Variants in AGBL1 observed in about 807,000 individuals in gnomAD.
The protein encoded by AGBL1 is AGBL carboxypeptidase 1, also known as cytosolic carboxypeptidase 4.
AGBL1 carries 130 observed loss-of-function variants against 118.9 expected under a neutral mutation model. That is an observed-to-expected ratio of 1.09 (90% CI 0.95 to 1.26). The LOEUF is 1.26. AGBL1 is among the 50% of genes most tolerant of loss of function. The pLI, the probability that AGBL1 is intolerant of heterozygous loss-of-function variation, is 0.00. For synonymous variants in AGBL1, 555 were observed against 478.9 expected, an observed-to-expected ratio of 1.16 and a Z score of -2.08; for missense variants, 1,584 against 1,298.1, an observed-to-expected ratio of 1.22 and a Z score of -3.38.
chr15:86,823,630 A>T (rs1438911373), intron 22 of AGBL1, among the ~76,000 whole-genome samples: 1 of 152,210 alleles, frequency 6.6e-6, no homozygotes, highest in Non-Finnish European at 1.5e-5. Context: ...TGAGTGAGAA[A>T]CAGGAGAAAT....
At chr15:86,897,646 T>A (rs890287654) in intron 22 of AGBL1, among the ~76,000 whole-genome samples, 2 of 151,926 alleles carry the variant, frequency 1.3e-5, no homozygotes. Context: ...GTCACTGATT[T>A]TCCCCCCAGT....
At chr15:86,210,392 T>A (rs895672711) in intron 5 of AGBL1, among the ~76,000 whole-genome samples, 4 of 152,226 alleles carry the variant, frequency 2.6e-5, no homozygotes, top group African/African-American at 4.8e-5. Flanking sequence ...TTCTCCTGGA[T>A]AATATCCTGA....
intron 18 of AGBL1, among the ~76,000 whole-genome samples, chr15:86,443,296 A>G (rs538245617): frequency 6.6e-6 from 1 of 152,310 alleles, no homozygotes; most frequent in South Asian, 2.1e-4. Flanking sequence ...TTGAGATAAC[A>G]TTCTTTTCTT....
intron 18 of AGBL1, among the ~76,000 whole-genome samples, chr15:86,435,809 A>G (rs2081994125): frequency 6.6e-6 from 1 of 152,340 alleles, no homozygotes; most frequent in Middle Eastern, 3.4e-3. Flanking sequence ...TCAATGAGAT[A>G]ATAAGGTACA....
intron 19 of AGBL1, among the ~76,000 whole-genome samples, chr15:86,539,519 C>G (rs2083467006): frequency 6.6e-6 from 1 of 152,174 alleles, no homozygotes; most frequent in African/African-American, 2.4e-5. Context: ...AGTTTAAAGG[C>G]TCCTTCACCA....
At chr15:86,288,017 C>G (rs1227483742) in intron 16 of AGBL1, among the ~76,000 whole-genome samples, 1 of 152,146 alleles carries the variant, frequency 6.6e-6, no homozygotes, top group Admixed American at 6.6e-5. Flanking sequence ...CTATGAATTT[C>G]CTGCCTTCTC....
chr15:86,579,227 T>A (rs1263029729), intron 21 of AGBL1, among the ~76,000 whole-genome samples: 1 of 152,186 alleles, frequency 6.6e-6, no homozygotes, highest in East Asian at 1.9e-4. Context: ...AAATTTTGTG[T>A]CTAAAAAGAT....
intron 5 of AGBL1, among the ~76,000 whole-genome samples, chr15:86,215,221 A>ATGTGTGTGTGTGTGTGTGTG: frequency 8.0e-6 from 1 of 124,704 alleles, no homozygotes; most frequent in South Asian, 2.4e-4. Context: ...GTGTATATGT[A>ATGTGTGTGTGTGTGTGTGTG]TGCGTGTGTG....
At chr15:86,092,936 A>G (rs934969055) in intron 1 of AGBL1, among the ~76,000 whole-genome samples, 4 of 152,158 alleles carry the variant, frequency 2.6e-5, no homozygotes, top group African/African-American at 7.2e-5. Context: ...ATCCCTTAAT[A>G]CAATTGCATT....
intron 1 of AGBL1, among the ~76,000 whole-genome samples, chr15:86,114,743 G>A (rs761410760): frequency 7.9e-5 from 12 of 152,094 alleles, no homozygotes; most frequent in Non-Finnish European, 1.3e-4. Flanking sequence ...AGCTGAGCTT[G>A]GTGCAAATGA....
At chr15:86,690,455 T>C (rs2086144713) in intron 22 of AGBL1, among the ~76,000 whole-genome samples, 1 of 152,168 alleles carries the variant, frequency 6.6e-6, no homozygotes, top group African/African-American at 2.4e-5. Flanking sequence ...TTTCATTTAA[T>C]TCATTTGGGG....
intron 18 of AGBL1, among the ~76,000 whole-genome samples, chr15:86,443,323 C>G (rs776379481): frequency 3.9e-5 from 6 of 152,118 alleles, no homozygotes; most frequent in Non-Finnish European, 8.8e-5. Context: ...ACTTTTGTTA[C>G]TTTTAATTGA....
rs184197048 is a variant in AGBL1, at chr15:86,922,820, C to A, written c.3222-65167C>A. On this transcript the variant is annotated intron_variant, in intron 23 of 24. Transcript: ENST00000441037. ...TGAAGCGATTTCTAGGGAGCAGTTA[C>A]CAATGAGAAGAATTACAAGTGCAAG... Among the ~76,000 whole-genome samples the A allele has an allele frequency of 1.6e-4, 24 of 152,214 alleles. No homozygotes were observed. The East Asian group carries it at 3.7e-3, about 23-fold the overall frequency.
intron 7 of AGBL1, among the ~76,000 whole-genome samples, chr15:86,254,807 C>G (rs191677170): frequency 6.6e-6 from 1 of 152,296 alleles, no homozygotes; most frequent in East Asian, 1.9e-4. Flanking sequence ...ACCTTTCCAT[C>G]AGCATGAGGG....
chr15:86,863,910 G>A (rs2079591943), intron 22 of AGBL1, among the ~76,000 whole-genome samples: 1 of 152,194 alleles, frequency 6.6e-6, no homozygotes. Context: ...GTTACGTGAA[G>A]TAGATGTTAT....
chr15:86,917,355 G>A (rs888219545), downstream of AGBL1, among the ~76,000 whole-genome samples: 1 of 152,132 alleles, frequency 6.6e-6, no homozygotes, highest in Non-Finnish European at 1.5e-5. This position sits in a 1 kb window ranked among gnomAD's most constrained non-coding sequence, Gnocchi z 4.8. Flanking sequence ...AGCATTTGGG[G>A]CCCAGCTTCC....
chr15:86,947,744 C>T (rs1167719949), intron 23 of AGBL1, among the ~76,000 whole-genome samples: 1 of 152,018 alleles, frequency 6.6e-6, no homozygotes, highest in East Asian at 1.9e-4. Context: ...GCAAGTTAGC[C>T]TTATATTTCT....
At chr15:86,155,296 A>G (rs1390050469) in intron 4 of AGBL1, among the ~76,000 whole-genome samples, 1 of 152,164 alleles carries the variant, frequency 6.6e-6, no homozygotes, top group Non-Finnish European at 1.5e-5. Flanking sequence ...TAAAAATACA[A>G]AAACTTAGCT....
chr15:86,340,147 A>G (rs1391815946), intron 17 of AGBL1, among the ~76,000 whole-genome samples: 1 of 151,716 alleles, frequency 6.6e-6, no homozygotes, highest in East Asian at 1.9e-4. Context: ...TTTCAGGACA[A>G]TTTTCCTGTT....
Sources: gnomAD v4.1 joint callset for allele counts (sites outside exome capture counted in the v4.1 genomes callset) on GRCh38, gnomAD v4.1.1 for gene constraint, Gnocchi (gnomAD v3.1) non-coding constraint, MANE v1.5 for transcripts, NCBI Gene and HGNC (gene_info 2026-07-23, HGNC 2026-07-21) for gene names.